SMR3B: variants seen among roughly 807,000 people sequenced by gnomAD.
SMR3B encodes submaxillary gland androgen regulated protein 3B, also known as submaxillary gland androgen-regulated protein 3B.
For missense variants in SMR3B, 114 were observed against 99.9 expected (o/e 1.14, Z -0.60); for synonymous variants, 42 against 36.1 (o/e 1.16, Z -0.59).
chr4:70,383,700 A>G (rs767506144), intron 1 of SMR3B, among the ~76,000 whole-genome samples: 2 of 152,172 alleles, frequency 1.3e-5, no homozygotes, highest in Admixed American at 6.5e-5. Flanking sequence ...TTCTTTCAAG[A>G]CTTGCATTGC....
At chr4:70,384,673 T>C in intron 2 of SMR3B, 109 bp downstream of exon 2, 1 of 1,556,896 alleles carries the variant, frequency 6.4e-7, no homozygotes, top group Non-Finnish European at 8.7e-7. Context: ...TTAGTAACTA[T>C]TAATCATCAA....
intron 2 of SMR3B, among the ~76,000 whole-genome samples, chr4:70,386,175 A>G (rs917953154): frequency 5.3e-5 from 8 of 150,694 alleles, no homozygotes; most frequent in Non-Finnish European, 1.2e-4. Context: ...CCAGAGGCTG[A>G]GGCAGGAGAA....
chr4:70,384,844 T>C (rs72655133), intron 2 of SMR3B: 14,285 of 343,838 alleles, frequency 0.042, 386 homozygotes, highest in Non-Finnish European at 0.053. Context: ...AGTTACACAG[T>C]AGGTAAAACT....
intron 2 of SMR3B, among the ~76,000 whole-genome samples, chr4:70,388,469 A>T (rs1732705753): frequency 6.6e-6 from 1 of 152,146 alleles, no homozygotes; most frequent in Non-Finnish European, 1.5e-5. Flanking sequence ...TGAGCCAATC[A>T]TCACTCTAAG....
chr4:70,386,172 C>A (rs1732661900), intron 2 of SMR3B, among the ~76,000 whole-genome samples: 1 of 150,282 alleles, frequency 6.7e-6, no homozygotes, highest in African/African-American at 2.5e-5. Flanking sequence ...ACTCCAGAGG[C>A]TGAGGCAGGA....
chr4:70,386,412 A>T (rs890644620), intron 2 of SMR3B, among the ~76,000 whole-genome samples: 1 of 151,834 alleles, frequency 6.6e-6, no homozygotes, highest in African/African-American at 2.4e-5. Flanking sequence ...TATGAAGGGT[A>T]GCATGTCCTT....
At chr4:70,384,863 A>G (rs1041479473) in intron 2 of SMR3B, 5 of 272,408 alleles carry the variant, frequency 1.8e-5, no homozygotes, top group Non-Finnish European at 2.7e-5. Flanking sequence ...CTCTATAAAA[A>G]TAGATAATCA....
At chr4:70,384,352 T>C in intron 1 of SMR3B, 145 bp from the exon 2 acceptor site, 9 of 1,387,584 alleles carry the variant, frequency 6.5e-6, no homozygotes, top group Non-Finnish European at 8.7e-6. Context: ...ACAGTAATAC[T>C]GAATTCAAAA....
At chr4:70,385,529 G>A (rs898967043) in intron 2 of SMR3B, among the ~76,000 whole-genome samples, 60 of 151,424 alleles carry the variant, frequency 4.0e-4, no homozygotes, top group African/African-American at 1.3e-3. Flanking sequence ...TCAGCCTCCG[G>A]TGTAGCTGGG....
intron 2 of SMR3B, chr4:70,385,018 A>G (rs188609334): frequency 3.5e-4 from 54 of 153,232 alleles, no homozygotes; most frequent in East Asian, 3.3e-3. Context: ...CATTTTACTA[A>G]GGATCTACAA....
intron 2 of SMR3B, among the ~76,000 whole-genome samples, chr4:70,388,906 A>G (rs976937830): frequency 2.0e-5 from 3 of 152,186 alleles, no homozygotes; most frequent in African/African-American, 7.2e-5. Flanking sequence ...ATTTATTTCC[A>G]CTTACAATTG....
At chr4:70,387,368 G>C (rs1467313242) in intron 2 of SMR3B, among the ~76,000 whole-genome samples, 1 of 152,132 alleles carries the variant, frequency 6.6e-6, no homozygotes, top group Non-Finnish European at 1.5e-5. Context: ...ATGATAAGAA[G>C]TGGTTAGACT....
At chr4:70,385,357 T>C (rs951333680) in intron 2 of SMR3B, among the ~76,000 whole-genome samples, 1 of 150,734 alleles carries the variant, frequency 6.6e-6, no homozygotes, top group Non-Finnish European at 1.5e-5. Context: ...TACATCATTC[T>C]GAAACATGAA....
At chr4:70,384,760 T>C in intron 2 of SMR3B, 196 bp downstream of exon 2, 2 of 1,119,776 alleles carry the variant, frequency 1.8e-6, no homozygotes, top group East Asian at 5.3e-5. Context: ...GCTGCCATAC[T>C]GGACAGCTCA....
At chr4:70,385,666 AGT>A (rs1458395001) in intron 2 of SMR3B, among the ~76,000 whole-genome samples, 2 of 151,782 alleles carry the variant, frequency 1.3e-5, no homozygotes, top group East Asian at 3.9e-4. Flanking sequence ...GGCCTCCCAA[AGT>A]GCTGGGATTA....
At chr4:70,384,098 C>G (rs531219697) in intron 1 of SMR3B, among the ~76,000 whole-genome samples, 1 of 151,728 alleles carries the variant, frequency 6.6e-6, no homozygotes, top group Non-Finnish European at 1.5e-5. Flanking sequence ...TATCTCAAAC[C>G]CATCCATAGA....
intron 2 of SMR3B, among the ~76,000 whole-genome samples, chr4:70,386,272 CAAAAA>C (rs33979547): frequency 5.5e-5 from 7 of 126,682 alleles, no homozygotes; most frequent in Non-Finnish European, 8.2e-5. Flanking sequence ...GACTCTATCT[CAAAAA>C]AAAAAAAAAA....
chr4:70,384,409 T>C (rs1732617945), intron 1 of SMR3B, 88 bp from the exon 2 acceptor site: 13 of 1,577,168 alleles, frequency 8.2e-6, no homozygotes, highest in Admixed American at 1.8e-5. Context: ...GATATTTGTA[T>C]TACATTATAT....
At chr4:70,383,904 A>G (rs945971040) in intron 1 of SMR3B, among the ~76,000 whole-genome samples, 1 of 152,168 alleles carries the variant, frequency 6.6e-6, no homozygotes, top group African/African-American at 2.4e-5. Context: ...GGATTTTTGG[A>G]AGCACTTTGA....
Sources: allele counts gnomAD v4.1 joint callset (sites outside exome capture counted in the v4.1 genomes callset), GRCh38; gene constraint gnomAD v4.1.1; transcripts MANE v1.5; gene names NCBI Gene and HGNC (gene_info 2026-07-23, HGNC 2026-07-21).